Variants in SMAD7 observed in about 807,000 individuals in gnomAD.
The protein encoded by SMAD7 is SMAD family member 7, also known as MAD (mothers against decapentaplegic, Drosophila) homolog 7.
In SMAD7, 8 loss-of-function variants were observed where a neutral mutation model predicts 38.7. That is an observed-to-expected ratio of 0.21 (90% CI 0.12 to 0.37). The LOEUF is 0.37. SMAD7 is among the 10% of genes least tolerant of loss of function. The pLI is 1.00. For missense variants in SMAD7, 477 were observed against 577.9 expected, an observed-to-expected ratio of 0.83 and a Z score of 1.79; for synonymous variants, 327 against 265.1, an observed-to-expected ratio of 1.23 and a Z score of -2.27.
chr18:48,923,476 T>C (rs1305143142), intron 3 of SMAD7, among the ~76,000 whole-genome samples: 2 of 152,088 alleles, frequency 1.3e-5, no homozygotes, highest in Admixed American at 6.5e-5. Flanking sequence ...CAGTTGTTGT[T>C]GTTGTTGTTG....
chr18:48,937,242 T>G (rs76319914), intron 3 of SMAD7, among the ~76,000 whole-genome samples: 5,880 of 149,336 alleles, frequency 0.039, 381 homozygotes, highest in African/African-American at 0.14. Flanking sequence ...GCAGCTACAG[T>G]CAGGCTTTGC....
At chr18:48,947,311 G>A (rs1290026721) in intron 2 of SMAD7, among the ~76,000 whole-genome samples, 3 of 152,188 alleles carry the variant, frequency 2.0e-5, no homozygotes, top group Non-Finnish European at 4.4e-5. Context: ...TCGGTTACAC[G>A]TTCATTAAAG....
intron 2 of SMAD7, among the ~76,000 whole-genome samples, chr18:48,947,907 T>C (rs1475754189): frequency 3.9e-5 from 5 of 127,430 alleles, no homozygotes; most frequent in African/African-American, 9.3e-5. Context: ...CCCCCCCCTT[T>C]TACTGGCTGT....
chr18:48,949,804 CT>C lies in SMAD7; in HGVS notation c.613+7del. On this transcript the variant is annotated splice_region_variant and intron_variant, in intron 1 of 3. Transcript: ENST00000262158. ...GAAAATGTTGGGGGTAGGGGGACAA[CT>C]TCTCACCTAGTTCGCAGAGTCGGCT... The C allele has an allele frequency of 6.3e-7, 1 of 1,598,382 alleles. No homozygotes were observed. The highest frequency in any genetic ancestry group is 1.7e-4 in the Middle Eastern group (1 of 6,014).
chr18:48,943,614 G>T (rs2070165892), intron 2 of SMAD7, among the ~76,000 whole-genome samples: 1 of 152,192 alleles, frequency 6.6e-6, no homozygotes, highest in Non-Finnish European at 1.5e-5. Context: ...CTAAGGAAAG[G>T]TGCTGCCCAG....
At chr18:48,937,339 G>A (rs965124355) in intron 3 of SMAD7, among the ~76,000 whole-genome samples, 4 of 150,400 alleles carry the variant, frequency 2.7e-5, no homozygotes, top group Non-Finnish European at 4.4e-5. Context: ...ATGCTACAGT[G>A]TCACCAAAAG....
At chr18:48,943,030 C>T (rs1032842266) in intron 2 of SMAD7, among the ~76,000 whole-genome samples, 17 of 152,130 alleles carry the variant, frequency 1.1e-4, no homozygotes, top group East Asian at 1.9e-4. Context: ...GTTGGGCTGC[C>T]GGGACTTCTT....
chr18:48,925,654 A>T (rs929624885), intron 3 of SMAD7, among the ~76,000 whole-genome samples: 3 of 152,222 alleles, frequency 2.0e-5, no homozygotes, highest in Non-Finnish European at 4.4e-5. Flanking sequence ...AGGCTCGTGA[A>T]TGAACCTCAC....
At chr18:48,947,558 A>G (rs1199621595) in intron 2 of SMAD7, among the ~76,000 whole-genome samples, 1 of 152,240 alleles carries the variant, frequency 6.6e-6, no homozygotes, top group Non-Finnish European at 1.5e-5. Context: ...CTGTACTTTT[A>G]GCAAACAGAT....
intron 2 of SMAD7, among the ~76,000 whole-genome samples, chr18:48,945,290 G>A (rs866322945): frequency 1.2e-4 from 19 of 152,254 alleles, no homozygotes; most frequent in East Asian, 5.8e-4. Context: ...GTGAAACCCC[G>A]TCTCTACTAA....
Position 48,920,038 on chromosome 18 carries a change from T to C in SMAD7, c.*1334A>G, listed in dbSNP as rs1158015725. ...TCTTTATTTTTCTTGTTTATACACA[T>C]TGCACAATACATAAATAATGATGCT... On this transcript the variant is annotated 3_prime_UTR_variant, in exon 4 of 4. Transcript: ENST00000262158. 6.6e-6 allele frequency: 1 copy of C among 152,596 alleles called. No homozygotes were observed. Among genetic ancestry groups the C allele is most frequent in the Non-Finnish European group, 1.5e-5 (1 of 68,028 alleles). 9.5% of individuals were successfully genotyped at this position (152,596 alleles called of 1,614,324 possible).
Position 48,921,379 on chromosome 18 carries a change from C to T in SMAD7, c.1274G>A (p.Ser425Asn). Residue 425 changes from serine (S) to asparagine (N), a missense_variant, in exon 4 of 4, where the codon AGC becomes AAC. Ser to Asn is a conservative substitution (Grantham distance 46). Transcript: ENST00000262158. This position sits in a 1 kb window ranked among gnomAD's most constrained non-coding sequence, Gnocchi z 6.4. The part of the protein sequence containing the change: ...CPCWLEVIFN[S>N]R ...TGTCCCCTCCGCACGCGGCTACCGG[C>T]TGTTGAAGATGACCTCTAGCCAGCA... The T allele has an allele frequency of 6.2e-7, 1 of 1,609,482 alleles. No homozygotes were observed. Among genetic ancestry groups the T allele is most frequent in the Non-Finnish European group, 8.5e-7 (1 of 1,176,366 alleles).
chr18:48,947,901 C>G (rs556739618), intron 2 of SMAD7, among the ~76,000 whole-genome samples: 4 of 150,704 alleles, frequency 2.7e-5, no homozygotes, highest in East Asian at 2.0e-4. Flanking sequence ...TACCCCCCCC[C>G]CCCTTTTACT....
intron 1 of SMAD7, 151 bp downstream of exon 1, chr18:48,949,661 T>C: frequency 1.3e-6 from 1 of 780,212 alleles, no homozygotes; most frequent in Non-Finnish European, 1.9e-6. Context: ...CAGGAGGGTA[T>C]GCACACTCTC....
At chr18:48,944,557 G>A (rs551356444) in intron 2 of SMAD7, among the ~76,000 whole-genome samples, 46 of 152,320 alleles carry the variant, frequency 3.0e-4, no homozygotes, top group Non-Finnish European at 4.7e-4. Context: ...AAACTGAGGC[G>A]TCACTGACTA....
chr18:48,921,557 T>C lies in SMAD7; in HGVS notation c.1096A>G (p.Ile366Val), dbSNP rs1473277271. 1 of 1,614,112 alleles carries C rather than the reference T, an allele frequency of 6.2e-7. No individual in the cohort carries two copies. Among genetic ancestry groups the C allele is most frequent in the Non-Finnish European group, 8.5e-7 (1 of 1,180,054 alleles). Residue 366 changes from isoleucine (I) to valine (V), a missense_variant, in exon 4 of 4, where the codon ATC becomes GTC. Physicochemically the swap from Ile to Val is conservative, Grantham distance 29. Around this residue, in one of 2 missense-constraint regions of SMAD7, gnomAD observed 101 missense variants for 198.5 expected, o/e 0.51. Coordinates refer to ENST00000262158, the MANE Select transcript of SMAD7 (RefSeq NM_005904.4). This position sits in a 1 kb window ranked among gnomAD's most constrained non-coding sequence, Gnocchi z 6.4. ...GCCTTCTCGTAGTCGAAAGCCTTGA[T>C]GGAGAAACCGGGGAACACCTTGTGT... Reference protein sequence around the residue: ...LVHKVFPGFSIKAFDYEKAYS... With the variant: ...LVHKVFPGFSVKAFDYEKAYS...
intron 2 of SMAD7, among the ~76,000 whole-genome samples, chr18:48,944,439 G>A (rs1351247737): frequency 6.6e-6 from 1 of 152,222 alleles, no homozygotes; most frequent in Non-Finnish European, 1.5e-5. Flanking sequence ...ATGGTGCTCT[G>A]CCCTTCTGCA....
At chr18:48,949,214 A>G in intron 1 of SMAD7, 2 of 896,444 alleles carry the variant, frequency 2.2e-6, no homozygotes, top group Non-Finnish European at 2.7e-6. Context: ...GGCAGAGTTG[A>G]AAGGAGACAG....
intron 3 of SMAD7, among the ~76,000 whole-genome samples, chr18:48,925,903 C>A (rs926751182): frequency 6.6e-6 from 1 of 152,136 alleles, no homozygotes; most frequent in Non-Finnish European, 1.5e-5. Flanking sequence ...CCCGCCACCA[C>A]GCCTGGCTAA....
Sources: allele counts gnomAD v4.1 joint callset (sites outside exome capture counted in the v4.1 genomes callset), GRCh38; gene constraint gnomAD v4.1.1; regional missense constraint gnomAD v4.1.1; non-coding constraint Gnocchi (gnomAD v3.1); transcripts MANE v1.5; gene names NCBI Gene and HGNC (gene_info 2026-07-23, HGNC 2026-07-21).